The following ZNF254 variants were observed in gnomAD, a reference collection of about 807,000 sequenced individuals.
ZNF254 encodes zinc finger protein 254.
Under a neutral mutation model 12.4 loss-of-function variants are expected in ZNF254, and 10 were observed. That is an observed-to-expected ratio of 0.80 (90% confidence interval 0.50 to 1.36). The LOEUF (loss-of-function observed/expected upper bound fraction) is 1.36, where lower values mean the gene tolerates loss of function less well. ZNF254 is among the 40% of genes most tolerant of loss of function. ZNF254 has a pLI of 0.00. For synonymous variants in ZNF254, 305 were observed against 253.4 expected, an observed-to-expected ratio of 1.20 and a Z score of -1.93; for missense variants, 996 against 763.9, an observed-to-expected ratio of 1.30 and a Z score of -3.58.
At chr19:24,041,701 C>T (rs1163652461) in intron 1 of ZNF254, among the ~76,000 whole-genome samples, 7 of 152,252 alleles carry the variant, frequency 4.6e-5, no homozygotes, top group African/African-American at 1.7e-4. Context: ...GGAATGCGAG[C>T]GCACGGCGCA....
At chr19:24,104,814 A>G (rs935956298) in intron 1 of ZNF254, 3 of 152,186 alleles carry the variant, frequency 2.0e-5, no homozygotes, top group Non-Finnish European at 2.9e-5. Flanking sequence ...TTGAGGTTCT[A>G]TCTGTGTTCT....
At chr19:24,101,947 C>T (rs956732217) in intron 1 of ZNF254, among the ~76,000 whole-genome samples, 3 of 152,168 alleles carry the variant, frequency 2.0e-5, no homozygotes, top group Non-Finnish European at 4.4e-5. Context: ...CTCCAGTTCC[C>T]TGGTACTTGG....
chr19:24,088,019 G>T (rs1972137306), intron 1 of ZNF254, among the ~76,000 whole-genome samples: 1 of 149,318 alleles, frequency 6.7e-6, no homozygotes, highest in African/African-American at 2.5e-5. Flanking sequence ...GGGTTCAAGC[G>T]ATTCTCCTGC....
rs1470797024 is a variant in ZNF254, at chr19:24,127,660, G to A, written c.1660G>A (p.Ala554Thr). Residue 554 changes from alanine (A) to threonine (T), a missense_variant, in exon 4 of 4, where the codon GCC becomes ACC. Physicochemically the swap from Ala to Thr is moderately conservative, Grantham distance 58 (BLOSUM62 0). Transcript: ENST00000357002. ...KPYKCEKCGK[A>T]FKQSSILTNH... ...CTACAAATGTGAAAAATGTGGCAAA[G>A]CCTTTAAGCAGTCTTCAATCCTTAC... 3 of 1,613,296 alleles carry A rather than the reference G, an allele frequency of 1.9e-6. No homozygotes were observed. In the African/African-American group the frequency reaches 4.0e-5, roughly 22 times the overall value.
Position 24,127,072 on chromosome 19 carries a change from G to A in ZNF254, c.1072G>A (p.Ala358Thr). ...CTACAAATGTGAAGAATGTGGCAAA[G>A]CTTTTAGCCAGTCCTCAACCCTTAC... ...KPYKCEECGK[A>T]FSQSSTLTTH... The change falls in exon 4 of 4, where the codon GCT (alanine) becomes ACT (threonine). Residue 358 changes from alanine (A) to threonine (T), a missense_variant. Transcript: ENST00000357002. 5.0e-6 allele frequency: 8 copies of A among 1,610,696 alleles called. No homozygotes were observed. The highest frequency in any genetic ancestry group is 6.8e-6 in the Non-Finnish European group (8 of 1,178,630).
chr19:24,084,823 T>C (rs1971967285), upstream of ZNF254, among the ~76,000 whole-genome samples: 1 of 152,054 alleles, frequency 6.6e-6, no homozygotes, highest in Non-Finnish European at 1.5e-5. Context: ...TACATGTTTT[T>C]GCCATGTTGC....
chr19:24,050,018 C>T (rs1568426939), intron 2 of ZNF254, among the ~76,000 whole-genome samples: 3 of 151,930 alleles, frequency 2.0e-5, no homozygotes, highest in African/African-American at 7.3e-5. Context: ...ATGGCACTGC[C>T]CTCAGCAGGT....
At chr19:24,124,530 C>G (rs1974698262) in intron 3 of ZNF254, among the ~76,000 whole-genome samples, 1 of 152,084 alleles carries the variant, frequency 6.6e-6, no homozygotes. Flanking sequence ...ATATGTAGGG[C>G]ATATGCATTT....
At chr19:24,120,978 T>C (rs750086507) in intron 3 of ZNF254, among the ~76,000 whole-genome samples, 4 of 152,086 alleles carry the variant, frequency 2.6e-5, no homozygotes, top group Non-Finnish European at 5.9e-5. Flanking sequence ...GTCTTTAGTG[T>C]TGTGACAGCT....
intron 2 of ZNF254, among the ~76,000 whole-genome samples, chr19:24,067,155 T>TGGGC (rs1971305360): frequency 6.6e-6 from 1 of 152,126 alleles, no homozygotes; most frequent in Non-Finnish European, 1.5e-5. Flanking sequence ...GACATATTGC[T>TGGGC]GGGCCCTACA....
intron 3 of ZNF254, among the ~76,000 whole-genome samples, chr19:24,112,863 A>T (rs1973777568): frequency 6.6e-6 from 1 of 152,212 alleles, no homozygotes; most frequent in Non-Finnish European, 1.5e-5. Context: ...CACTGATCCC[A>T]CAGAAATTAC....
chr19:24,111,415 T>C (rs1009654952), intron 3 of ZNF254, among the ~76,000 whole-genome samples: 2 of 152,058 alleles, frequency 1.3e-5, no homozygotes, highest in East Asian at 3.9e-4. Context: ...ATAAACATAC[T>C]TGTGCATGTG....
upstream of ZNF254, among the ~76,000 whole-genome samples, chr19:24,082,676 A>AAAC (rs1168845022): frequency 8.8e-4 from 130 of 147,672 alleles, 1 homozygote; most frequent in African/African-American, 3.2e-3. Context: ...AAAACCCAAA[A>AAAC]AACTATTTGA....
At chr19:24,068,892 TCTC>T (rs1971376469) in intron 2 of ZNF254, among the ~76,000 whole-genome samples, 1 of 152,160 alleles carries the variant, frequency 6.6e-6, no homozygotes, top group South Asian at 2.1e-4. Flanking sequence ...TAATCCTTAG[TCTC>T]CTCTTTTTGC....
rs1435323476 is a variant in ZNF254, at chr19:24,128,127, A to G, written c.*147A>G. The G allele has an allele frequency of 1.3e-6, 1 of 779,836 alleles. No homozygotes were observed. The highest frequency in any genetic ancestry group is 1.8e-6 in the Non-Finnish European group (1 of 542,842). The allele number at this position is 779,836 out of a possible 1,614,324, so 48.3% of individuals were successfully genotyped here. ...GAAAATCATTCTGCTGAAAAATCCTAGAAATGTGAAGAATGTGAAAAAGCC... is the reference window on the plus strand; with the variant it reads ...GAAAATCATTCTGCTGAAAAATCCTGGAAATGTGAAGAATGTGAAAAAGCC... On this transcript the variant is annotated 3_prime_UTR_variant, in exon 4 of 4. Coordinates refer to ENST00000357002, the MANE Select transcript of ZNF254 (RefSeq NM_203282.4).
At chr19:24,049,212 A>ATTTTTTTTTTTTTTT (rs1179977299) in intron 2 of ZNF254, among the ~76,000 whole-genome samples, 1 of 42,250 alleles carries the variant, frequency 2.4e-5, no homozygotes, top group African/African-American at 1.0e-4. Context: ...ATATATATAT[A>ATTTTTTTTTTTTTTT]TATTTTTTTT....
exon 1 of ZNF254, chr19:24,033,472 C>G (rs563247683): frequency 2.2e-5 from 4 of 181,756 alleles, no homozygotes; most frequent in African/African-American, 9.6e-5. Flanking sequence ...TCTCTCGCTC[C>G]CACCAGAGCT....
In ZNF254 at chr19:24,070,893, C is replaced by A. The variant is rs183365201; in HGVS notation, c.-94+24614C>A. Reference sequence around the variant, plus strand: ...GTAATTTGTTTGTCTTTTTTATGCCCTGCCCACATGGGCTATTGTAACATA... The same window carrying A: ...GTAATTTGTTTGTCTTTTTTATGCCATGCCCACATGGGCTATTGTAACATA... On this transcript the variant is annotated intron_variant, in intron 2 of 4. Coordinates refer to the ZNF254 transcript ENST00000613065. 3.1e-4 allele frequency among the ~76,000 whole-genome samples: 47 copies of A among 152,288 alleles called. No homozygotes were observed. In the East Asian group the frequency reaches 6.6e-3, roughly 21 times the overall value.
chr19:24,074,725 T>C (rs1413900942), intron 2 of ZNF254, among the ~76,000 whole-genome samples: 1 of 152,142 alleles, frequency 6.6e-6, no homozygotes, highest in African/African-American at 2.4e-5. Flanking sequence ...CCAGCACTTA[T>C]GTGATGTGAC....
Sources: gnomAD v4.1 joint callset for allele counts (sites outside exome capture counted in the v4.1 genomes callset) on GRCh38, gnomAD v4.1.1 for gene constraint, MANE v1.5 for transcripts, NCBI Gene and HGNC (gene_info 2026-07-23, HGNC 2026-07-21) for gene names.